The following AGBL4 variants were observed in gnomAD, a reference collection of about 807,000 sequenced individuals.
AGBL4 encodes the protein cytosolic carboxypeptidase 6.
AGBL4 carries 58 observed loss-of-function variants against 66.4 expected under a neutral mutation model. That is an observed-to-expected ratio of 0.87 (90% CI 0.71 to 1.09). AGBL4 has a LOEUF of 1.09. Ranked by LOEUF, AGBL4 falls within the 50% of genes least tolerant of loss-of-function variation. The pLI, the probability that AGBL4 is intolerant of heterozygous loss-of-function variation, is 0.00. For missense variants in AGBL4, 579 were observed against 631.0 expected, an observed-to-expected ratio of 0.92 and a Z score of 0.88; for synonymous variants, 234 against 222.9, an observed-to-expected ratio of 1.05 and a Z score of -0.44.
chr1:48,668,910 C>A (rs12145808), intron 6 of AGBL4, among the ~76,000 whole-genome samples: 1 of 152,128 alleles, frequency 6.6e-6, no homozygotes, highest in Non-Finnish European at 1.5e-5. Context: ...CTGGAGGCAG[C>A]GGAGAAGCAC....
chr1:48,589,227 C>G (rs1389093825), intron 10 of AGBL4, among the ~76,000 whole-genome samples: 1 of 152,164 alleles, frequency 6.6e-6, no homozygotes, highest in African/African-American at 2.4e-5. Flanking sequence ...GAATACTCAT[C>G]TTTTCTGGGG....
chr1:48,770,792 C>A (rs1036231063), intron 6 of AGBL4, among the ~76,000 whole-genome samples: 13 of 152,164 alleles, frequency 8.5e-5, no homozygotes, highest in Non-Finnish European at 1.2e-4. Flanking sequence ...TTATTACAAC[C>A]AGTCAGTTAC....
chr1:49,463,534 T>C (rs1646560818), intron 3 of AGBL4, among the ~76,000 whole-genome samples: 1 of 151,758 alleles, frequency 6.6e-6, no homozygotes, highest in African/African-American at 2.4e-5. Context: ...AAAGTGGGTC[T>C]CTTTTAAGAT....
rs188503722 is a variant in AGBL4 at position 49,553,050 on chromosome 1, G to A, written c.282+144263C>T. ...TGTAAGACAATATGTAGCAACCTAC[G>A]TATGAAAGGCTATGAAAACACAGAG... On this transcript the variant is annotated intron_variant, in intron 3 of 13. Coordinates refer to ENST00000371839, the MANE Select transcript of AGBL4 (RefSeq NM_032785.4). 1.6e-4 allele frequency among the ~76,000 whole-genome samples: 24 copies of A among 152,128 alleles called. No individual in the cohort carries two copies. In the East Asian group the frequency reaches 2.9e-3, roughly 18 times the overall value.
intron 1 of AGBL4, among the ~76,000 whole-genome samples, chr1:49,913,972 T>C (rs1274458263): frequency 6.6e-6 from 1 of 152,190 alleles, no homozygotes; most frequent in African/African-American, 2.4e-5. Context: ...GGACCTGTAA[T>C]GGAAGGAGCA....
At chr1:49,647,577 T>C (rs932209178) in intron 3 of AGBL4, among the ~76,000 whole-genome samples, 17 of 152,170 alleles carry the variant, frequency 1.1e-4, no homozygotes, top group Non-Finnish European at 2.9e-5. Flanking sequence ...CAGGTCTTCT[T>C]GGTGAATACT....
chr1:48,967,889 CAG>C (rs758873719), intron 5 of AGBL4, among the ~76,000 whole-genome samples: 50 of 152,260 alleles, frequency 3.3e-4, no homozygotes, highest in Admixed American at 7.2e-4. Flanking sequence ...CCACTCATCT[CAG>C]AGTTACTAAT....
At chr1:49,042,275 T>C in intron 5 of AGBL4, among the ~76,000 whole-genome samples, 1 of 152,046 alleles carries the variant, frequency 6.6e-6, no homozygotes, top group East Asian at 1.9e-4. Flanking sequence ...CAAGTCTAAT[T>C]TTCTGACTTT....
chr1:49,384,942 T>C (rs1644705540), intron 3 of AGBL4, among the ~76,000 whole-genome samples: 1 of 152,212 alleles, frequency 6.6e-6, no homozygotes, highest in Non-Finnish European at 1.5e-5. Context: ...ATAGGCAACA[T>C]GCACAAGCAA....
intron 3 of AGBL4, among the ~76,000 whole-genome samples, chr1:49,693,660 T>C (rs975049422): frequency 3.3e-5 from 5 of 152,098 alleles, no homozygotes; most frequent in African/African-American, 1.2e-4. Flanking sequence ...CCAAATTTAC[T>C]ATATTGCACA....
At chr1:49,355,877 A>G (rs1399924561) in intron 3 of AGBL4, among the ~76,000 whole-genome samples, 1 of 152,152 alleles carries the variant, frequency 6.6e-6, no homozygotes, top group African/African-American at 2.4e-5. Context: ...CTCAAAATGA[A>G]GCAGGTACCA....
rs1391035821 is a variant in AGBL4 at position 49,269,503 on chromosome 1, T to A, written c.283-23639A>T. Among the ~76,000 whole-genome samples the A allele has an allele frequency of 2.6e-5, 4 of 152,192 alleles. No individual in the cohort carries two copies. The East Asian group carries it at 7.7e-4, about 29-fold the overall frequency. On this transcript the variant is annotated intron_variant, in intron 3 of 13. Coordinates refer to ENST00000371839, the MANE Select transcript of AGBL4 (RefSeq NM_032785.4). ...TTTCCTTGCCCAGATCCAGAAAAGA[T>A]TAACTGAGAGTCTGACACTTTTAAA...
intron 5 of AGBL4, among the ~76,000 whole-genome samples, chr1:48,931,126 C>A (rs1168843102): frequency 6.6e-6 from 1 of 152,178 alleles, no homozygotes; most frequent in Non-Finnish European, 1.5e-5. Context: ...CAAATGGTTG[C>A]ATAGGTACCA....
intron 3 of AGBL4, among the ~76,000 whole-genome samples, chr1:49,659,970 C>T (rs12049301): frequency 2.0e-5 from 3 of 151,988 alleles, no homozygotes; most frequent in African/African-American, 4.8e-5. Context: ...TAAAAGACTT[C>T]GATGTAAAAC....
chr1:49,625,619 TA>T (rs1047234971), intron 3 of AGBL4, among the ~76,000 whole-genome samples: 8 of 152,170 alleles, frequency 5.3e-5, no homozygotes, highest in African/African-American at 1.9e-4. Flanking sequence ...AGATTTCTGT[TA>T]CTGAACCCCA....
intron 4 of AGBL4, among the ~76,000 whole-genome samples, chr1:49,162,886 A>T (rs945858524): frequency 3.9e-5 from 6 of 152,192 alleles, no homozygotes; most frequent in African/African-American, 7.2e-5. Context: ...AATAACTATG[A>T]GTTTCTTTGT....
At chr1:49,327,109 A>G (rs1645242579) in intron 3 of AGBL4, among the ~76,000 whole-genome samples, 1 of 152,114 alleles carries the variant, frequency 6.6e-6, no homozygotes, top group African/African-American at 2.4e-5. Context: ...CCCTCTTACA[A>G]GGACCCTTGT....
At chr1:49,759,293 G>GT (rs1434973501) in intron 2 of AGBL4, among the ~76,000 whole-genome samples, 1 of 152,140 alleles carries the variant, frequency 6.6e-6, no homozygotes, top group Non-Finnish European at 1.5e-5. Context: ...ACTAAAACCA[G>GT]TAGCCCCTGT....
chr1:49,779,682 G>A (rs1425107546), intron 2 of AGBL4, among the ~76,000 whole-genome samples: 2 of 152,028 alleles, frequency 1.3e-5, no homozygotes, highest in African/African-American at 2.4e-5. Context: ...TCCCCAAAAC[G>A]TAAATTAGCT....
Sources: allele counts gnomAD v4.1 joint callset (sites outside exome capture counted in the v4.1 genomes callset), GRCh38; gene constraint gnomAD v4.1.1; transcripts MANE v1.5; gene names NCBI Gene and HGNC (gene_info 2026-07-23, HGNC 2026-07-21).